The following SH3BGRL2 variants were observed in gnomAD, a reference collection of about 807,000 sequenced individuals.
The protein encoded by SH3BGRL2 is SH3 domain binding glutamate rich protein like 2, also known as SH3 domain-binding glutamic acid-rich-like protein 2.
A neutral mutation model predicts 14.8 loss-of-function variants in SH3BGRL2; 21 were observed. The ratio of observed to expected loss-of-function variants is 1.42; its 90% confidence interval spans 1.01 to 2.05. The LOEUF is 2.05. Ranked by LOEUF, SH3BGRL2 falls within the 30% of genes most tolerant of loss-of-function variation. The probability of loss-of-function intolerance (pLI) is 0.00; values close to 1 mark genes in which losing one functional copy is unlikely to be tolerated. For synonymous variants in SH3BGRL2, 50 were observed against 47.8 expected (o/e 1.05, Z -0.19); for missense variants, 147 against 130.8 (o/e 1.12, Z -0.61).
chr6:79,580,061 A>C, the SH3BGRL2 span, among the ~76,000 whole-genome samples: 9 of 152,352 alleles, frequency 5.9e-5, no homozygotes, highest in African/African-American at 1.9e-4. Flanking sequence ...AGGCCATTAC[A>C]TAATGGTAAA....
chr6:79,700,003 A>G lies in SH3BGRL2; in HGVS notation c.*494A>G, dbSNP rs1230631426. 6.5e-6 allele frequency: 1 copy of G among 154,274 alleles called. No homozygotes were observed. The highest frequency in any genetic ancestry group is 2.4e-5 in the African/African-American group (1 of 41,520). The allele number at this position is 154,274 out of a possible 1,614,324, so 9.6% of individuals were successfully genotyped here. On this transcript the variant is annotated 3_prime_UTR_variant, in exon 4 of 4. Coordinates refer to ENST00000369838, the MANE Select transcript of SH3BGRL2 (RefSeq NM_031469.4). ...TGTTGAAGATTTTTGCTGCAGAATC[A>G]GTTACAAACATCACAGTTCCCATGC...
At chr6:79,553,827 G>A in the SH3BGRL2 span, among the ~76,000 whole-genome samples, 1 of 152,050 alleles carries the variant, frequency 6.6e-6, no homozygotes, top group Non-Finnish European at 1.5e-5. Context: ...CAAAAAATTA[G>A]CGTGGTGGCA....
At chr6:79,692,347 G>A (rs1388095608) in intron 2 of SH3BGRL2, among the ~76,000 whole-genome samples, 1 of 152,110 alleles carries the variant, frequency 6.6e-6, no homozygotes, top group Non-Finnish European at 1.5e-5. Flanking sequence ...CTGTGCAGAA[G>A]CTCTTTAGTT....
At chr6:79,674,613 G>A (rs1769843880) in intron 2 of SH3BGRL2, among the ~76,000 whole-genome samples, 1 of 152,200 alleles carries the variant, frequency 6.6e-6, no homozygotes, top group Admixed American at 6.5e-5. Context: ...TAAATAAATA[G>A]CTAGGCTGTA....
At chr6:79,547,611 C>G in the SH3BGRL2 span, among the ~76,000 whole-genome samples, 29 of 152,244 alleles carry the variant, frequency 1.9e-4, no homozygotes, top group East Asian at 5.6e-3. Context: ...TTAGTCCGTT[C>G]TGGCTTCTAC....
At chr6:79,543,662 C>T in the SH3BGRL2 span, among the ~76,000 whole-genome samples, 5 of 152,126 alleles carry the variant, frequency 3.3e-5, no homozygotes, top group Admixed American at 6.5e-5. Flanking sequence ...ATGGAAACCC[C>T]ATATTAAAAA....
At chr6:79,584,204 A>C in the SH3BGRL2 span, among the ~76,000 whole-genome samples, 1 of 152,132 alleles carries the variant, frequency 6.6e-6, no homozygotes, top group African/African-American at 2.4e-5. Flanking sequence ...TATATTAAGC[A>C]CCATATGACT....
chr6:79,551,276 A>G, the SH3BGRL2 span, among the ~76,000 whole-genome samples: 1 of 152,186 alleles, frequency 6.6e-6, no homozygotes, highest in Non-Finnish European at 1.5e-5. Context: ...CTCCCAAATT[A>G]TTTAATATAT....
At chr6:79,540,559 A>G in the SH3BGRL2 span, among the ~76,000 whole-genome samples, 3 of 152,196 alleles carry the variant, frequency 2.0e-5, no homozygotes, top group African/African-American at 4.8e-5. Flanking sequence ...TTTGCAGTAC[A>G]AAAAGCTAGT....
At chr6:79,560,513 C>T in the SH3BGRL2 span, among the ~76,000 whole-genome samples, 2 of 152,156 alleles carry the variant, frequency 1.3e-5, no homozygotes, top group Non-Finnish European at 2.9e-5. Context: ...TGAATAGCCA[C>T]TGCACTACAG....
intron 3 of SH3BGRL2, 36 bp from the exon 4 acceptor site, chr6:79,699,462 A>ATTTTTT: frequency 1.0e-6 from 1 of 982,476 alleles, no homozygotes; most frequent in Admixed American, 3.5e-5. Context: ...GCAATAACTG[A>ATTTTTT]CTTTTTTTTT....
At chr6:79,686,324 CT>C (rs948188578) in intron 2 of SH3BGRL2, among the ~76,000 whole-genome samples, 23 of 152,022 alleles carry the variant, frequency 1.5e-4, no homozygotes, top group African/African-American at 5.6e-4. Flanking sequence ...TTTTTCCCCC[CT>C]CCCTTCCATT....
At chr6:79,539,429 A>G in the SH3BGRL2 span, among the ~76,000 whole-genome samples, 2 of 152,234 alleles carry the variant, frequency 1.3e-5, no homozygotes, top group Admixed American at 1.3e-4. Context: ...AATTATAGTT[A>G]ACAGAAATCA....
the SH3BGRL2 span, among the ~76,000 whole-genome samples, chr6:79,597,927 A>T: frequency 6.6e-6 from 1 of 152,226 alleles, no homozygotes; most frequent in African/African-American, 2.4e-5. Context: ...AGACAACCCA[A>T]TTTAAAAGTG....
At chr6:79,569,299 G>A in the SH3BGRL2 span, among the ~76,000 whole-genome samples, 1 of 152,228 alleles carries the variant, frequency 6.6e-6, no homozygotes, top group East Asian at 1.9e-4. Context: ...GGAGAACAAG[G>A]TTCTTATTCT....
chr6:79,616,961 G>A, the SH3BGRL2 span, among the ~76,000 whole-genome samples: 1 of 152,292 alleles, frequency 6.6e-6, no homozygotes, highest in East Asian at 1.9e-4. Context: ...GCCAAGGCGG[G>A]CAGATCACCT....
chr6:79,588,712 G>C, the SH3BGRL2 span, among the ~76,000 whole-genome samples: 1 of 152,040 alleles, frequency 6.6e-6, no homozygotes. Context: ...TTCCACATAG[G>C]TATTATTAAC....
intron 1 of SH3BGRL2, among the ~76,000 whole-genome samples, chr6:79,644,472 T>C (rs1769089322): frequency 1.3e-5 from 2 of 152,190 alleles, no homozygotes; most frequent in Admixed American, 1.3e-4. Context: ...TCCAAGATCA[T>C]TGTGCTTTGT....
intron 1 of SH3BGRL2, among the ~76,000 whole-genome samples, chr6:79,637,300 T>G (rs929421747): frequency 6.6e-6 from 1 of 152,208 alleles, no homozygotes; most frequent in Non-Finnish European, 1.5e-5. Flanking sequence ...CTTTATGAAA[T>G]TAGGAGCTGT....
Sources: allele counts gnomAD v4.1 joint callset (sites outside exome capture counted in the v4.1 genomes callset), GRCh38; gene constraint gnomAD v4.1.1; transcripts MANE v1.5; gene names NCBI Gene and HGNC (gene_info 2026-07-23, HGNC 2026-07-21).